The following GLYATL1 variants were observed in gnomAD, a reference collection of about 807,000 sequenced individuals.
GLYATL1 encodes glycine N-acyltransferase-like protein 1.
In GLYATL1, 15 loss-of-function variants were observed where a neutral mutation model predicts 20.0. That is an observed-to-expected ratio of 0.75 (90% CI 0.50 to 1.15). The LOEUF (loss-of-function observed/expected upper bound fraction) is 1.15. Among genes scored for constraint, GLYATL1 ranks in the 50% most tolerant of loss-of-function variants. The pLI is 0.00. For missense variants in GLYATL1, 380 were observed against 368.5 expected (o/e 1.03, Z -0.26); for synonymous variants, 151 against 131.5 (o/e 1.15, Z -1.01).
At chr11:58,950,058 G>A (rs528653526) in intron 4 of GLYATL1, among the ~76,000 whole-genome samples, 6 of 139,590 alleles carry the variant, frequency 4.3e-5, no homozygotes, top group Non-Finnish European at 6.0e-5. Context: ...GAGGCAGGCG[G>A]ATCACGAGGT....
At chr11:58,926,242 T>C (rs1855424831), upstream of GLYATL1, among the ~76,000 whole-genome samples, 1 of 152,182 alleles carries the variant, frequency 6.6e-6, no homozygotes, top group African/African-American at 2.4e-5. Context: ...GTTGAAATTG[T>C]TTAGATAAGT....
chr11:58,922,211 T>A (rs1855325534), intron 1 of GLYATL1, among the ~76,000 whole-genome samples: 1 of 152,212 alleles, frequency 6.6e-6, no homozygotes, highest in Admixed American at 6.5e-5. Context: ...CCTGGGTTAC[T>A]CTCTGGCGCT....
rs903052483 is a variant in GLYATL1, at chr11:58,956,043, A to T, written c.*16A>T. 6.3e-7 allele frequency: 1 copy of T among 1,598,696 alleles called. No individual in the cohort carries two copies. The highest frequency in any genetic ancestry group is 1.1e-5 in the South Asian group (1 of 90,246). ...TCCATTTTAGACAATGAAGCTGCTTAGTAATCTCTGCCAAGCCATCTCTTA... is the reference window on the plus strand; with the variant it reads ...TCCATTTTAGACAATGAAGCTGCTTTGTAATCTCTGCCAAGCCATCTCTTA... On this transcript the variant is annotated 3_prime_UTR_variant, in exon 7 of 7. Transcript: ENST00000532726.
At chr11:58,944,343 A>G (rs1214350339) in intron 2 of GLYATL1, among the ~76,000 whole-genome samples, 2 of 152,196 alleles carry the variant, frequency 1.3e-5, no homozygotes, top group Non-Finnish European at 1.5e-5. Context: ...TGACAGGATG[A>G]GGCATGTACA....
intron 1 of GLYATL1, chr11:58,943,218 A>G (rs1281986974): frequency 6.9e-7 from 1 of 1,446,400 alleles, no homozygotes; most frequent in Non-Finnish European, 9.1e-7. Flanking sequence ...TGAAAACCTA[A>G]TTTAGTAGTG....
At position 58,956,156 on chromosome 11, in the gene GLYATL1, G is replaced by A; in HGVS notation, c.*129G>A. On this transcript the variant is annotated 3_prime_UTR_variant, in exon 7 of 7. Transcript: ENST00000532726. ...ATACAGCAGGAACTCTTCTCACCTG[G>A]AGCCTTGATGTTAAAAGACACAGCC... 1 of 796,678 alleles carries A rather than the reference G, an allele frequency of 1.3e-6. No individual in the cohort carries two copies. The highest frequency in any genetic ancestry group is 1.9e-5 in the South Asian group (1 of 54,048). The allele number at this position is 796,678 out of a possible 1,614,324, so 49.4% of individuals were successfully genotyped here.
At chr11:58,913,984 A>G (rs1855110041) in intron 1 of GLYATL1, among the ~76,000 whole-genome samples, 1 of 152,160 alleles carries the variant, frequency 6.6e-6, no homozygotes, top group African/African-American at 2.4e-5. Context: ...TTTCCTCATG[A>G]GGCAAGAGTG....
chr11:58,938,126 A>G (rs1311387223), upstream of GLYATL1, among the ~76,000 whole-genome samples: 5 of 152,258 alleles, frequency 3.3e-5, no homozygotes, highest in East Asian at 1.9e-4. Context: ...TTATTGTTCT[A>G]CTTACAAGAT....
downstream of GLYATL1, among the ~76,000 whole-genome samples, chr11:58,913,368 G>A (rs1217791503): frequency 6.6e-6 from 1 of 152,142 alleles, no homozygotes; most frequent in African/African-American, 2.4e-5. Context: ...GGCTTAAACT[G>A]TGGAGGCCAG....
chr11:58,931,998 G>A (rs1430436339), intron 1 of GLYATL1, among the ~76,000 whole-genome samples: 1 of 150,474 alleles, frequency 6.6e-6, no homozygotes, highest in Non-Finnish European at 1.5e-5. Flanking sequence ...TGTAGTCCTA[G>A]CTACTTGGGA....
downstream of GLYATL1, among the ~76,000 whole-genome samples, chr11:58,909,921 T>C (rs1036251151): frequency 1.2e-4 from 19 of 152,286 alleles, no homozygotes; most frequent in African/African-American, 4.6e-4. Flanking sequence ...TCGGTCTCTA[T>C]GTTCTGCTTT....
chr11:58,942,426 G>C (rs1176560114), intron 1 of GLYATL1: 1 of 152,174 alleles, frequency 6.6e-6, no homozygotes, highest in African/African-American at 2.4e-5. Flanking sequence ...AAATGTGAGA[G>C]GCCATGAAGA....
At chr11:58,947,224 G>A in intron 3 of GLYATL1, 59 bp downstream of exon 3, 2 of 1,568,124 alleles carry the variant, frequency 1.3e-6, no homozygotes, top group Non-Finnish European at 1.7e-6. Context: ...TGAGAAAATA[G>A]CAGGCTTGTG....
intron 1 of GLYATL1, chr11:58,933,941 T>A (rs569073265): frequency 1.3e-5 from 2 of 152,464 alleles, no homozygotes; most frequent in Non-Finnish European, 2.9e-5. Context: ...GATCTTTTCA[T>A]TGGGTATGTG....
chr11:58,914,529 C>T (rs1855123770), intron 1 of GLYATL1, among the ~76,000 whole-genome samples: 1 of 151,894 alleles, frequency 6.6e-6, no homozygotes, highest in Non-Finnish European at 1.5e-5. Flanking sequence ...AGTGTGCAGG[C>T]CCGGTGAGAT....
exon 1 of GLYATL1, chr11:58,905,584 C>A (rs911877873): frequency 1.3e-5 from 6 of 456,198 alleles, no homozygotes; most frequent in African/African-American, 8.0e-5. Context: ...CCGCGCAACC[C>A]CTCCTTGGCT....
Position 58,943,537 on chromosome 11 carries a change from T to A in GLYATL1, c.-166-6T>A, listed in dbSNP as rs760113895. 2 of 1,606,424 alleles carry A rather than the reference T, an allele frequency of 1.2e-6. No individual in the cohort carries two copies. The highest frequency in any genetic ancestry group is 8.5e-7 in the Non-Finnish European group (1 of 1,176,588). On this transcript the variant is annotated splice_region_variant and splice_polypyrimidine_tract_variant and intron_variant, in intron 1 of 6. Coordinates refer to ENST00000532726, the MANE Select transcript of GLYATL1 (RefSeq NM_001389712.2). ...TTTAATTCAGCTGAAGTTTTTCTTTTATCAGATGGTGTCACAAGAAGGATC... is the reference window on the plus strand; with the variant it reads ...TTTAATTCAGCTGAAGTTTTTCTTTAATCAGATGGTGTCACAAGAAGGATC...
chr11:58,947,566 G>T, intron 3 of GLYATL1: 1 of 460,032 alleles, frequency 2.2e-6, no homozygotes, highest in Non-Finnish European at 3.9e-6. Flanking sequence ...AAGTTGCTAT[G>T]GACACTGAAT....
At chr11:58,919,588 C>A (rs1164181845) in intron 1 of GLYATL1, among the ~76,000 whole-genome samples, 2 of 152,116 alleles carry the variant, frequency 1.3e-5, no homozygotes, top group Non-Finnish European at 2.9e-5. Flanking sequence ...GGTTACCTCT[C>A]GTTTCTTCTC....
Sources: gnomAD v4.1 joint callset for allele counts (sites outside exome capture counted in the v4.1 genomes callset) on GRCh38, gnomAD v4.1.1 for gene constraint, MANE v1.5 for transcripts, NCBI Gene and HGNC (gene_info 2026-07-23, HGNC 2026-07-21) for gene names.